The following ADGRL2 variants were observed in gnomAD, a reference collection of about 807,000 sequenced individuals.
ADGRL2 encodes the protein calcium-independent alpha-latrotoxin receptor 2.
In ADGRL2, 44 loss-of-function variants were observed where a neutral mutation model predicts 157.4. That is an observed-to-expected ratio of 0.28 (90% CI 0.22 to 0.36). The LOEUF (loss-of-function observed/expected upper bound fraction) is 0.36, where lower values mean the gene tolerates loss of function less well. Ranked by LOEUF, ADGRL2 falls within the 10% of genes least tolerant of loss-of-function variation. ADGRL2 has a pLI of 1.00. For missense variants in ADGRL2, 1,510 were observed against 1,768.9 expected (o/e 0.85, Z 2.63); for synonymous variants, 585 against 624.7 (o/e 0.94, Z 0.95).
intron 1 of ADGRL2, among the ~76,000 whole-genome samples, chr1:81,389,590 G>C (rs1271252778): frequency 1.3e-5 from 2 of 152,182 alleles, no homozygotes; most frequent in East Asian, 3.8e-4. Context: ...ATTATTGAAA[G>C]AGGCCTGGAT....
intron 3 of ADGRL2, among the ~76,000 whole-genome samples, chr1:81,933,086 A>T (rs769563575): frequency 1.3e-5 from 2 of 152,178 alleles, no homozygotes; most frequent in Non-Finnish European, 2.9e-5. Flanking sequence ...TGCTTTCACT[A>T]TCTTAAGTCA....
At chr1:81,390,849 T>A (rs1452005219) in intron 1 of ADGRL2, among the ~76,000 whole-genome samples, 4 of 152,300 alleles carry the variant, frequency 2.6e-5, no homozygotes, top group African/African-American at 9.6e-5. Flanking sequence ...TATGTTTTCA[T>A]AACCTGTTTT....
At chr1:81,504,951 C>A (rs952649445) in intron 2 of ADGRL2, 19 of 310,188 alleles carry the variant, frequency 6.1e-5, no homozygotes, top group Non-Finnish European at 1.1e-4. Flanking sequence ...GATTCGCTTG[C>A]GGCTCACCTC....
chr1:81,847,133 G>C (rs2150414475), intron 2 of ADGRL2, among the ~76,000 whole-genome samples: 1 of 151,954 alleles, frequency 6.6e-6, no homozygotes, highest in Admixed American at 6.6e-5. Context: ...TGTGTATTAG[G>C]ATCCAGAGAG....
intron 3 of ADGRL2, among the ~76,000 whole-genome samples, chr1:81,639,399 T>C (rs937039369): frequency 2.6e-5 from 4 of 151,918 alleles, no homozygotes; most frequent in Non-Finnish European, 5.9e-5. Flanking sequence ...TAAAGACATA[T>C]AGATTAAAAG....
rs1657141515 is a variant in ADGRL2 at position 81,966,669 on chromosome 1, CA to C, written c.2349+64del. ...TTATAAAAGCAGAAAGAAAGGAAAG[CA>C]AAACTGAGGTGCTGGGGATGGGGAG... is the stretch of plus-strand genomic sequence containing the variant. On this transcript the variant is annotated intron_variant, in intron 13 of 23. Transcript: ENST00000686636. 103 of 1,460,298 alleles carry C rather than the reference CA, an allele frequency of 7.1e-5. 2 individuals carry two copies. In the South Asian group the frequency reaches 1.2e-3, roughly 17 times the overall value. 90.5% of individuals were successfully genotyped at this position (1,460,298 alleles called of 1,614,324 possible).
intron 3 of ADGRL2, among the ~76,000 whole-genome samples, chr1:81,924,239 CAGACT>C (rs112922396): frequency 0.073 from 11,156 of 152,192 alleles, 432 homozygotes; most frequent in African/African-American, 0.11. Context: ...AGCAGTTCCT[CAGACT>C]AGAAGCATAG....
chr1:81,569,153 G>GA (rs1415490128), intron 2 of ADGRL2, among the ~76,000 whole-genome samples: 1 of 152,068 alleles, frequency 6.6e-6, no homozygotes, highest in Non-Finnish European at 1.5e-5. Context: ...AATTAAAAGT[G>GA]AATAATTGTT....
At chr1:81,409,041 T>A (rs2076905642) in intron 1 of ADGRL2, among the ~76,000 whole-genome samples, 1 of 152,190 alleles carries the variant, frequency 6.6e-6, no homozygotes, top group Non-Finnish European at 1.5e-5. Flanking sequence ...AAATGCTGAT[T>A]CCATAGGCTT....
chr1:81,544,079 G>A (rs1364979677), intron 2 of ADGRL2, among the ~76,000 whole-genome samples: 3 of 152,086 alleles, frequency 2.0e-5, no homozygotes, highest in South Asian at 4.1e-4. Context: ...ACCTCTACCC[G>A]AACCCATCTG....
intron 1 of ADGRL2, among the ~76,000 whole-genome samples, chr1:81,406,568 C>T (rs945425806): frequency 2.3e-4 from 35 of 152,170 alleles, no homozygotes; most frequent in Non-Finnish European, 2.9e-4. Flanking sequence ...CATCCAGCCT[C>T]TGGGCTGTTC....
At chr1:81,806,260 A>G (rs897357788) in intron 1 of ADGRL2, among the ~76,000 whole-genome samples, 2 of 152,062 alleles carry the variant, frequency 1.3e-5, no homozygotes. Context: ...AAAACTTCCA[A>G]ATGTTATAAA....
chr1:81,730,605 C>T (rs1447580571), intron 1 of ADGRL2, among the ~76,000 whole-genome samples: 2 of 151,972 alleles, frequency 1.3e-5, no homozygotes, highest in Non-Finnish European at 2.9e-5. Context: ...TGCTTATAAT[C>T]CCAGCTACTT....
intron 11 of ADGRL2, among the ~76,000 whole-genome samples, chr1:81,964,095 G>A (rs1328528737): frequency 6.6e-6 from 1 of 151,802 alleles, no homozygotes; most frequent in Non-Finnish European, 1.5e-5. Context: ...TCTACTGAGA[G>A]CTGTAGTCAT....
chr1:81,573,593 T>C (rs1214166307), intron 2 of ADGRL2, among the ~76,000 whole-genome samples: 4 of 152,130 alleles, frequency 2.6e-5, no homozygotes, highest in Non-Finnish European at 4.4e-5. Context: ...ATGGAAGGGA[T>C]AAAGAAGCTG....
chr1:81,814,246 A>G (rs1197113876), intron 1 of ADGRL2, among the ~76,000 whole-genome samples: 1 of 151,644 alleles, frequency 6.6e-6, no homozygotes, highest in African/African-American at 2.4e-5. Flanking sequence ...GCTCCTTTGT[A>G]TATACATTAT....
At chr1:81,882,662 T>C (rs2151248118) in intron 2 of ADGRL2, among the ~76,000 whole-genome samples, 1 of 152,304 alleles carries the variant, frequency 6.6e-6, no homozygotes, top group Non-Finnish European at 1.5e-5. Flanking sequence ...AATTAAGACC[T>C]AACACATTTA....
chr1:81,988,931 A>G (rs1558060296), intron 23 of ADGRL2, among the ~76,000 whole-genome samples: 1 of 152,042 alleles, frequency 6.6e-6, no homozygotes, highest in Non-Finnish European at 1.5e-5. Context: ...GGTCAGCTTC[A>G]TTTCAATAAC....
intron 1 of ADGRL2, among the ~76,000 whole-genome samples, chr1:81,353,600 A>G (rs953448520): frequency 7.2e-5 from 11 of 152,214 alleles, no homozygotes; most frequent in African/African-American, 2.7e-4. Context: ...AAGATTTTAC[A>G]GGATATGATG....
Sources: gnomAD v4.1 joint callset for allele counts (sites outside exome capture counted in the v4.1 genomes callset) on GRCh38, gnomAD v4.1.1 for gene constraint, MANE v1.5 for transcripts, NCBI Gene and HGNC (gene_info 2026-07-23, HGNC 2026-07-21) for gene names.